Variants in PSTK observed in about 807,000 individuals in gnomAD.
PSTK encodes the protein phosphoseryl-tRNA kinase.
PSTK carries 26 observed loss-of-function variants against 38.6 expected under a neutral mutation model. That is an observed-to-expected ratio of 0.67 (90% confidence interval 0.49 to 0.94). PSTK has a LOEUF of 0.94. Among genes scored for constraint, PSTK ranks in the 40% least tolerant of loss-of-function variants. The pLI, the probability that PSTK is intolerant of heterozygous loss-of-function variation, is 0.00. For synonymous variants in PSTK, 181 were observed against 161.7 expected (o/e 1.12, Z -0.91); for missense variants, 445 against 436.3 (o/e 1.02, Z -0.18).
chr10:122,989,154 A>C (rs964989837), intron 5 of PSTK, among the ~76,000 whole-genome samples: 4 of 101,308 alleles, frequency 3.9e-5, no homozygotes, highest in African/African-American at 1.6e-4. Flanking sequence ...TGAGATAGAC[A>C]GTGGATGTGT....
In PSTK at chr10:122,990,250, C is replaced by A. The variant is rs1333648127; in HGVS notation, c.954C>A (p.Asp318Glu). Reference sequence around the variant, plus strand: ...AGCTCAAAGCAGAGTTTTTGGAAGACCTAAAACAAGGAAACAAAAAATATC... The same window carrying A: ...AGCTCAAAGCAGAGTTTTTGGAAGAACTAAAACAAGGAAACAAAAAATATC... The part of the protein sequence containing the change: ...LNKLKAEFLE[D>E]LKQGNKKYLC... The change falls in exon 6 of 6, where the codon GAC (aspartate) becomes GAA (glutamate). Residue 318 changes from aspartate to glutamate, a missense_variant. By Grantham distance (45) the Asp-to-Glu change is conservative (BLOSUM62 2). Coordinates refer to ENST00000406217, the MANE Select transcript of PSTK (RefSeq NM_001363531.2). The A allele has an allele frequency of 6.5e-7, 1 of 1,542,562 alleles. No individual in the cohort carries two copies. The highest frequency in any genetic ancestry group is 8.7e-7 in the Non-Finnish European group (1 of 1,144,532).
In PSTK at chr10:122,990,332, AAAGAT is replaced by A; in HGVS notation, c.1039_1043del (p.Asp347TyrfsTer?). The A allele has an allele frequency of 6.6e-7, 1 of 1,513,642 alleles. No homozygotes were observed. The highest frequency in any genetic ancestry group is 8.8e-7 in the Non-Finnish European group (1 of 1,132,072). The allele number at this position is 1,513,642 out of a possible 1,614,324, so 93.8% of individuals were successfully genotyped here. A position where few individuals can be genotyped will look rare whatever the true frequency, so the allele number is the denominator to read the frequency against. Reference sequence around the variant, plus strand: ...TGTCATTTCTTTTTTTCATTATGAGAAAGATAATATTGTACAGAAGTATTTTTCAA... The same window carrying A: ...TGTCATTTCTTTTTTTCATTATGAGAAATATTGTACAGAAGTATTTTTCAA... On this transcript the variant is annotated frameshift_variant, in exon 6 of 6. Coordinates refer to ENST00000406217, the MANE Select transcript of PSTK (RefSeq NM_001363531.2). LOFTEE classifies it high-confidence loss of function.
chr10:122,986,395 T>C lies in PSTK; in HGVS notation c.783+20T>C. 6.5e-7 allele frequency: 1 copy of C among 1,532,586 alleles called. No individual in the cohort carries two copies. The highest frequency in any genetic ancestry group is 9.0e-7 in the Non-Finnish European group (1 of 1,105,990). The allele number at this position is 1,532,586 out of a possible 1,614,324, so 94.9% of individuals were successfully genotyped here. ...CAAAAGGTAAACTTCCAGTGTAAATTTAATGTAAATGAGAAGGAACAACTT... is the reference window on the plus strand; with the variant it reads ...CAAAAGGTAAACTTCCAGTGTAAATCTAATGTAAATGAGAAGGAACAACTT... On this transcript the variant is annotated intron_variant, in intron 4 of 5. Coordinates refer to ENST00000406217, the MANE Select transcript of PSTK (RefSeq NM_001363531.2).
At chr10:122,989,219 G>A (rs1296137619) in intron 5 of PSTK, among the ~76,000 whole-genome samples, 1 of 151,432 alleles carries the variant, frequency 6.6e-6, no homozygotes, top group Non-Finnish European at 1.5e-5. Context: ...AGGGAAGGTG[G>A]TAAGGAGGAT....
At position 122,983,132 on chromosome 10, in the gene PSTK, C is replaced by T. The variant is rs1322096496; in HGVS notation, c.508+108C>T. ...TTGATTAGGAGGTTATGTAGATTTA[C>T]TTAATTTTAAAAGCTAGATGTTCAG... On this transcript the variant is annotated intron_variant, in intron 2 of 5. Coordinates refer to ENST00000406217, the MANE Select transcript of PSTK (RefSeq NM_001363531.2). 3.2e-6 allele frequency: 4 copies of T among 1,266,944 alleles called. No homozygotes were observed. The African/African-American group carries it at 6.0e-5, about 19-fold the overall frequency. 78.5% of individuals were successfully genotyped at this position (1,266,944 alleles called of 1,614,324 possible). A position where few individuals can be genotyped will look rare whatever the true frequency, so the allele number is the denominator to read the frequency against.
At chr10:122,985,732 G>A (rs1024915977) in intron 3 of PSTK, 7 of 152,102 alleles carry the variant, frequency 4.6e-5, no homozygotes, top group African/African-American at 1.5e-4. Flanking sequence ...TTATTGACAT[G>A]AGTCTTAGGA....
chr10:122,987,406 G>C, intron 5 of PSTK: 3 of 1,614,180 alleles, frequency 1.9e-6, no homozygotes, highest in Non-Finnish European at 1.7e-6. Flanking sequence ...GCTATCTGGA[G>C]GATCATTCTA....
chr10:122,980,417 C>G lies in PSTK; in HGVS notation c.-63C>G. 7.0e-7 allele frequency: 1 copy of G among 1,437,798 alleles called. No individual in the cohort carries two copies. The highest frequency in any genetic ancestry group is 1.5e-5 in the African/African-American group (1 of 68,214). 89.1% of individuals were successfully genotyped at this position (1,437,798 alleles called of 1,614,324 possible). A position where few individuals can be genotyped will look rare whatever the true frequency, so the allele number is the denominator to read the frequency against. On this transcript the variant is annotated 5_prime_UTR_variant, in exon 1 of 6. Coordinates refer to ENST00000406217, the MANE Select transcript of PSTK (RefSeq NM_001363531.2). The surrounding 1 kb of genome is among the most constrained non-coding windows in gnomAD (Gnocchi z 4.3). ...GTAGGCGGCGGAGACGCTGCGCGTG[C>G]GCGCAGGGCAGACGGTAGAGCGGAG...
intron 5 of PSTK, 64 bp downstream of exon 5, chr10:122,987,026 C>T (rs1173840217): frequency 9.3e-7 from 1 of 1,071,344 alleles, no homozygotes; most frequent in East Asian, 2.4e-5. Context: ...ACTGTTATTC[C>T]CGACACTCAG....
At chr10:122,982,100 C>T (rs1290147199) in intron 1 of PSTK, 1 of 152,294 alleles carries the variant, frequency 6.6e-6, no homozygotes, top group African/African-American at 2.4e-5. Flanking sequence ...TGTTTATTCC[C>T]CTCAGTTTGT....
At chr10:122,984,022 T>C (rs1849002020) in intron 3 of PSTK, 1 of 152,800 alleles carries the variant, frequency 6.5e-6, no homozygotes. Context: ...CACATTTGAC[T>C]ATTGAGCCCT....
chr10:122,987,266 C>T, intron 5 of PSTK: 1 of 1,534,954 alleles, frequency 6.5e-7, no homozygotes, highest in Non-Finnish European at 8.8e-7. Context: ...TGAGTATATG[C>T]CCATGCTCTG....
In PSTK at chr10:122,980,932, C is replaced by G. The variant is rs1191646477; in HGVS notation, c.216+237C>G. On this transcript the variant is annotated intron_variant, in intron 1 of 5. Coordinates refer to ENST00000406217, the MANE Select transcript of PSTK (RefSeq NM_001363531.2). This position sits in a 1 kb window ranked among gnomAD's most constrained non-coding sequence, Gnocchi z 4.3. ...CTGTTAGAACGATGCATTTTAGATG[C>G]TTATCTGTATATTTGATGCATGTAT... 2.2e-6 allele frequency: 1 copy of G among 450,204 alleles called. No homozygotes were observed. Among genetic ancestry groups the G allele is most frequent in the African/African-American group, 2.1e-5 (1 of 46,878 alleles). The allele number at this position is 450,204 out of a possible 1,614,324, so 27.9% of individuals were successfully genotyped here. A position where few individuals can be genotyped will look rare whatever the true frequency, so the allele number is the denominator to read the frequency against.
chr10:122,985,510 G>A (rs1426293313), intron 3 of PSTK: 2 of 152,184 alleles, frequency 1.3e-5, no homozygotes, highest in African/African-American at 4.8e-5. Context: ...TTTCATATAA[G>A]ACGTTCAATA....
chr10:122,980,601 G>T lies in PSTK; in HGVS notation c.122G>T (p.Arg41Leu), dbSNP rs202055527. 2.5e-6 allele frequency: 4 copies of T among 1,612,126 alleles called. No homozygotes were observed. The highest frequency in any genetic ancestry group is 2.2e-5 in the South Asian group (2 of 90,874). ...ACTTTCGCGCGCGCCCTCGCCCACC[G>T]GCTGCAGCAGGAGCAGGGTTGGGCC... ...KSTFARALAH[R>L]LQQEQGWAIG... Residue 41 changes from arginine (R) to leucine (L), a missense_variant, in exon 1 of 6, where the codon CGG (arginine) becomes CTG (leucine). By Grantham distance (102) the Arg-to-Leu change is moderately radical. Coordinates refer to ENST00000406217, the MANE Select transcript of PSTK (RefSeq NM_001363531.2). The surrounding 1 kb of genome is among the most constrained non-coding windows in gnomAD (Gnocchi z 4.3).
At chr10:122,984,788 AC>A (rs1245184424) in intron 3 of PSTK, 1 of 152,252 alleles carries the variant, frequency 6.6e-6, no homozygotes, top group African/African-American at 2.4e-5. Context: ...CTGAATAGTC[AC>A]TAAAACTCAA....
intron 5 of PSTK, chr10:122,987,450 G>A (rs1434598793): frequency 1.2e-6 from 2 of 1,614,200 alleles, no homozygotes; most frequent in African/African-American, 1.3e-5. Flanking sequence ...AAGCGCAAAG[G>A]TTGGCTGGTT....
chr10:122,986,349 T>C lies in PSTK; in HGVS notation c.757T>C (p.Tyr253His). The change falls in exon 4 of 6, where the codon TAT becomes CAT. Residue 253 changes from tyrosine to histidine, a missense_variant. Coordinates refer to ENST00000406217, the MANE Select transcript of PSTK (RefSeq NM_001363531.2). ...CACTGCTTTGGAAAATCCAGTAAAA[T>C]ATGCTGAGGACAATATGGAACAAAA... ...LLTALENPVK[Y>H]AEDNMEQKDT... 6.2e-7 allele frequency: 1 copy of C among 1,611,142 alleles called. No homozygotes were observed. The highest frequency in any genetic ancestry group is 1.1e-5 in the South Asian group (1 of 90,936).
Position 122,990,167 on chromosome 10 carries a change from A to G in PSTK, c.878-7A>G, listed in dbSNP as rs1849111861. ...ACCAGTAATTTGAGAATATCTTTTT[A>G]TTTTAGATGAACAAGTGCTTCCTCA... On this transcript the variant is annotated splice_polypyrimidine_tract_variant and splice_region_variant and intron_variant, in intron 5 of 5. Coordinates refer to ENST00000406217, the MANE Select transcript of PSTK (RefSeq NM_001363531.2). 1.3e-6 allele frequency: 2 copies of G among 1,508,642 alleles called. No individual in the cohort carries two copies. The highest frequency in any genetic ancestry group is 1.3e-5 in the South Asian group (1 of 76,122). The allele number at this position is 1,508,642 out of a possible 1,614,324, so 93.5% of individuals were successfully genotyped here.
Sources: gnomAD v4.1 joint callset for allele counts (sites outside exome capture counted in the v4.1 genomes callset) on GRCh38, gnomAD v4.1.1 for gene constraint, Gnocchi (gnomAD v3.1) non-coding constraint, MANE v1.5 for transcripts, NCBI Gene and HGNC (gene_info 2026-07-23, HGNC 2026-07-21) for gene names.